SNTG1: variants seen among roughly 807,000 people sequenced by gnomAD.
SNTG1 encodes the protein gamma-1-syntrophin.
Under a neutral mutation model 74.7 loss-of-function variants are expected in SNTG1, and 39 were observed. The observed-to-expected ratio is 0.52, with a 90% CI of 0.40 to 0.68. The LOEUF (loss-of-function observed/expected upper bound fraction) is 0.68. Among genes scored for constraint, SNTG1 ranks in the 30% least tolerant of loss-of-function variants. The pLI is 0.00. For missense variants in SNTG1, 685 were observed against 609.5 expected, an observed-to-expected ratio of 1.12 and a Z score of -1.30; for synonymous variants, 254 against 217.1, an observed-to-expected ratio of 1.17 and a Z score of -1.49.
intron 2 of SNTG1, among the ~76,000 whole-genome samples, chr8:50,304,109 A>C (rs896241713): frequency 6.6e-6 from 1 of 152,114 alleles, no homozygotes; most frequent in African/African-American, 2.4e-5. Context: ...AGGCGATTAG[A>C]CCCTGAGGGT....
At chr8:50,769,242 C>T (rs906664864) in intron 18 of SNTG1, among the ~76,000 whole-genome samples, 1 of 151,786 alleles carries the variant, frequency 6.6e-6, no homozygotes, top group African/African-American at 2.4e-5. Context: ...ATATTAACTG[C>T]CTCCAAAATA....
At chr8:49,946,040 G>T (rs968497459) in intron 1 of SNTG1, among the ~76,000 whole-genome samples, 1 of 152,260 alleles carries the variant, frequency 6.6e-6, no homozygotes. Context: ...TTGGATCTAA[G>T]TGACTCAAAA....
chr8:50,710,666 G>A (rs1264406069), intron 17 of SNTG1, among the ~76,000 whole-genome samples: 2 of 152,166 alleles, frequency 1.3e-5, no homozygotes, highest in Non-Finnish European at 2.9e-5. Context: ...CTATGTCAGT[G>A]TCCTGTTGGC....
In SNTG1 at chr8:49,911,582, A is replaced by G. The variant is rs1051178685; in HGVS notation, c.-752A>G. ...AAAAAAAGAAAGAAAAAAGAAAAAA[A>G]AAAGAACCGGAGGGGAGAAGGCTAG... On this transcript the variant is annotated 5_prime_UTR_variant, in exon 1 of 19. Transcript: ENST00000642720. The G allele has an allele frequency of 6.6e-6, 1 of 151,926 alleles. No homozygotes were observed. Among genetic ancestry groups the G allele is most frequent in the Non-Finnish European group, 1.5e-5 (1 of 67,996 alleles). 9.4% of individuals were successfully genotyped at this position (151,926 alleles called of 1,614,324 possible). A position where few individuals can be genotyped will look rare whatever the true frequency, so the allele number is the denominator to read the frequency against.
At chr8:50,642,974 T>C (rs1352133057) in intron 13 of SNTG1, among the ~76,000 whole-genome samples, 4 of 152,016 alleles carry the variant, frequency 2.6e-5, no homozygotes, top group African/African-American at 7.3e-5. Context: ...GAAGAAAAAA[T>C]GTTCAGGTTA....
intron 8 of SNTG1, among the ~76,000 whole-genome samples, chr8:50,475,281 A>G (rs1209556744): frequency 6.6e-6 from 1 of 151,982 alleles, no homozygotes; most frequent in African/African-American, 2.4e-5. Flanking sequence ...AAGAAAAAAA[A>G]TGGTTAAGAT....
intron 16 of SNTG1, among the ~76,000 whole-genome samples, chr8:50,705,617 A>T (rs1355073746): frequency 6.6e-6 from 1 of 151,980 alleles, no homozygotes; most frequent in Non-Finnish European, 1.5e-5. Flanking sequence ...TTGCAGTGAC[A>T]TGTGCTTGTT....
intron 15 of SNTG1, among the ~76,000 whole-genome samples, chr8:50,666,977 T>A (rs1363924905): frequency 6.6e-6 from 1 of 151,994 alleles, no homozygotes; most frequent in East Asian, 1.9e-4. Context: ...ATTTCTTTTA[T>A]CGCAACTGCT....
chr8:50,081,071 TA>T (rs1822359302), intron 1 of SNTG1, among the ~76,000 whole-genome samples: 2 of 150,370 alleles, frequency 1.3e-5, no homozygotes. Context: ...TAATAAAAGA[TA>T]GAGAAAACAT....
intron 2 of SNTG1, among the ~76,000 whole-genome samples, chr8:50,337,397 A>T (rs1226277807): frequency 1.3e-5 from 2 of 152,220 alleles, no homozygotes; most frequent in African/African-American, 2.4e-5. Flanking sequence ...CTCAAGGGGA[A>T]CACTGCTCTT....
intron 8 of SNTG1, among the ~76,000 whole-genome samples, chr8:50,481,372 C>A (rs2093739187): frequency 6.6e-6 from 1 of 152,126 alleles, no homozygotes; most frequent in South Asian, 2.1e-4. Context: ...CAGAGTGAGA[C>A]TCCATCTCAA....
chr8:50,238,024 C>G lies in SNTG1; in HGVS notation c.-28+65389C>G, dbSNP rs548177779. 9.2e-5 allele frequency among the ~76,000 whole-genome samples: 14 copies of G among 152,048 alleles called. 1 individual carries two copies. In the South Asian group the frequency reaches 2.9e-3, roughly 32 times the overall value. On this transcript the variant is annotated intron_variant, in intron 2 of 18. Coordinates refer to ENST00000642720, the MANE Select transcript of SNTG1 (RefSeq NM_018967.5). Reference sequence around the variant, plus strand: ...TCATATCCTGATTAAAATTGTTGAGCCATATGCATAGGAGGAATCAATATT... The same window carrying G: ...TCATATCCTGATTAAAATTGTTGAGGCATATGCATAGGAGGAATCAATATT...
intron 1 of SNTG1, among the ~76,000 whole-genome samples, chr8:49,956,622 A>G (rs1370685341): frequency 6.6e-6 from 1 of 152,210 alleles, no homozygotes; most frequent in African/African-American, 2.4e-5. Flanking sequence ...GAGGGTTGCA[A>G]AATAGCAGTT....
chr8:50,032,351 A>G (rs1203507262), intron 1 of SNTG1, among the ~76,000 whole-genome samples: 3 of 150,900 alleles, frequency 2.0e-5, no homozygotes, highest in African/African-American at 4.9e-5. Context: ...TTGCTCTTTT[A>G]TTCTAATTTT....
intron 2 of SNTG1, among the ~76,000 whole-genome samples, chr8:50,262,113 T>G (rs1194066350): frequency 6.6e-6 from 1 of 151,990 alleles, no homozygotes; most frequent in Non-Finnish European, 1.5e-5. Flanking sequence ...AAATAACACA[T>G]GGGTCAAAGA....
intron 11 of SNTG1, among the ~76,000 whole-genome samples, chr8:50,544,609 T>C (rs1014859267): frequency 6.6e-6 from 1 of 152,144 alleles, no homozygotes; most frequent in African/African-American, 2.4e-5. Context: ...TGGGTCCAGA[T>C]GACTCCTTAC....
chr8:50,023,425 A>C (rs935238200), intron 1 of SNTG1, among the ~76,000 whole-genome samples: 1 of 152,188 alleles, frequency 6.6e-6, no homozygotes, highest in South Asian at 2.1e-4. Flanking sequence ...AAAAGAAGTC[A>C]ACTGGCACTT....
chr8:50,443,153 G>A (rs1458932874), intron 5 of SNTG1, among the ~76,000 whole-genome samples: 2 of 152,118 alleles, frequency 1.3e-5, no homozygotes, highest in African/African-American at 4.8e-5. Flanking sequence ...ATTACCATAG[G>A]GATAGTCATG....
chr8:50,367,466 TTTA>T (rs1045315480), intron 2 of SNTG1, among the ~76,000 whole-genome samples: 4 of 152,100 alleles, frequency 2.6e-5, no homozygotes, highest in Admixed American at 6.6e-5. Context: ...GCATATAAAA[TTTA>T]TTATTTTTTA....
Sources: allele counts gnomAD v4.1 joint callset (sites outside exome capture counted in the v4.1 genomes callset), GRCh38; gene constraint gnomAD v4.1.1; transcripts MANE v1.5; gene names NCBI Gene and HGNC (gene_info 2026-07-23, HGNC 2026-07-21).